HECTD4: variants seen among roughly 807,000 people sequenced by gnomAD.
HECTD4 encodes HECT domain E3 ubiquitin protein ligase 4, also known as probable E3 ubiquitin-protein ligase HECTD4.
HECTD4 carries 114 observed loss-of-function variants against 471.5 expected under a neutral mutation model. The observed-to-expected ratio is 0.24, with a 90% CI of 0.21 to 0.28. The LOEUF (loss-of-function observed/expected upper bound fraction) is 0.28, where lower values mean the gene tolerates loss of function less well. HECTD4 is among the 10% of genes least tolerant of loss of function. The probability of loss-of-function intolerance (pLI) is 1.00; values close to 1 mark genes in which losing one functional copy is unlikely to be tolerated. For missense variants in HECTD4, 3,866 were observed against 5,651.5 expected, an observed-to-expected ratio of 0.68 and a Z score of 10.13; for synonymous variants, 2,012 against 2,256.0, an observed-to-expected ratio of 0.89 and a Z score of 3.07.
intron 1 of HECTD4, among the ~76,000 whole-genome samples, chr12:112,339,205 T>C (rs2036010657): frequency 6.6e-6 from 1 of 151,820 alleles, no homozygotes; most frequent in Non-Finnish European, 1.5e-5. Context: ...GGAGAATGGG[T>C]ACACTGTGTC....
intron 49 of HECTD4, among the ~76,000 whole-genome samples, chr12:112,210,635 T>C (rs1593933644): frequency 6.6e-6 from 1 of 152,384 alleles, no homozygotes; most frequent in East Asian, 1.9e-4. Context: ...ATTCCAGACC[T>C]GGCTCAAGCA....
At chr12:112,198,022 G>C (rs1193963863) in intron 55 of HECTD4, among the ~76,000 whole-genome samples, 1 of 152,142 alleles carries the variant, frequency 6.6e-6, no homozygotes, top group Non-Finnish European at 1.5e-5. Context: ...TTTTAGTAGA[G>C]ATGGGGTTTC....
rs758273849 is a variant in HECTD4, at chr12:112,262,515, C to CAAAAAAAAAAAAAAA, written c.2749-1101_2749-1087dup. ...TGGGCGACAAAGAGAGACTCCATCT[C>CAAAAAAAAAAAAAAA]AAAAAAAAAAAAAAAAAAAAAAAAA... On this transcript the variant is annotated intron_variant, in intron 17 of 75. Transcript: ENST00000682272. 3.5e-4 allele frequency among the ~76,000 whole-genome samples: 7 copies of CAAAAAAAAAAAAAAA among 19,762 alleles called. 2 individuals are homozygous for CAAAAAAAAAAAAAAA. Among genetic ancestry groups the CAAAAAAAAAAAAAAA allele is most frequent in the African/African-American group, 5.7e-4 (4 of 7,032 alleles). The allele number at this position is 19,762 out of a possible 152,430, so 13.0% of individuals were successfully genotyped here.
chr12:112,262,515 CAA>C (rs758273849), intron 17 of HECTD4, among the ~76,000 whole-genome samples: 49 of 19,742 alleles, frequency 2.5e-3, no homozygotes, highest in African/African-American at 6.7e-3. Context: ...GACTCCATCT[CAA>C]AAAAAAAAAA....
intron 72 of HECTD4, among the ~76,000 whole-genome samples, chr12:112,165,668 A>C (rs932774296): frequency 1.3e-5 from 2 of 152,130 alleles, no homozygotes; most frequent in African/African-American, 4.8e-5. Context: ...AACTCATTTT[A>C]AACAATTTTT....
rs149091640 is a variant in HECTD4 at position 112,294,897 on chromosome 12, A to G, written c.1335+11167T>C. On this transcript the variant is annotated intron_variant, in intron 7 of 75. Transcript: ENST00000682272. ...ATGGTGGAAAGTAAGTCTTGCCCCA[A>G]CCAGTTGCCTTCCCCGGGGAAACCA... Among the ~76,000 whole-genome samples, 559 of 152,334 alleles carry G rather than the reference A, an allele frequency of 3.7e-3. 4 individuals carry two copies. The highest frequency in any genetic ancestry group is 0.017 in the Middle Eastern group (5 of 294).
intron 7 of HECTD4, chr12:112,302,366 T>C: frequency 1.3e-6 from 1 of 755,864 alleles, no homozygotes; most frequent in South Asian, 1.4e-5. Flanking sequence ...CTCTGGTCTG[T>C]ATTTGTGGGC....
chr12:112,267,071 T>C, intron 13 of HECTD4, 89 bp from the exon 14 acceptor site: 1 of 778,608 alleles, frequency 1.3e-6, no homozygotes, highest in South Asian at 1.7e-5. Context: ...ATTAAAGATG[T>C]CAATTGGATG....
At chr12:112,244,300 A>G (rs563886793) in intron 29 of HECTD4, among the ~76,000 whole-genome samples, 1 of 152,354 alleles carries the variant, frequency 6.6e-6, no homozygotes, top group East Asian at 1.9e-4. Flanking sequence ...CTTTAATGTA[A>G]GCATTCTAAA....
intron 1 of HECTD4, among the ~76,000 whole-genome samples, chr12:112,323,979 T>TCTCTCTCTC (rs2035658270): frequency 4.8e-5 from 1 of 20,724 alleles, no homozygotes; most frequent in African/African-American, 4.3e-4. Flanking sequence ...CCTTCCTTCC[T>TCTCTCTCTC]TCCTTCCTTC....
Position 112,203,746 on chromosome 12 carries a change from C to A in HECTD4, c.8296G>T (p.Asp2766Tyr). 1 of 1,612,118 alleles carries A rather than the reference C, an allele frequency of 6.2e-7. No individual in the cohort carries two copies. Among genetic ancestry groups the A allele is most frequent in the Non-Finnish European group, 8.5e-7 (1 of 1,179,014 alleles). Residue 2766 changes from aspartate to tyrosine, a missense_variant, in exon 54 of 76, where the codon GAC becomes TAC. Transcript: ENST00000682272. ...KGLTVVTRSP[D>Y]SNNVASSAVG... ...GCACTGCTGGCTACATTATTGCTGT[C>A]TGGAGAGCGGGTTACTACTGTGAGA...
At chr12:112,240,150 G>A in intron 32 of HECTD4, 123 bp from the exon 33 acceptor site, 1 of 1,013,642 alleles carries the variant, frequency 9.9e-7, no homozygotes, top group East Asian at 2.4e-5. Context: ...GGATCTTGGA[G>A]AACATCCAGC....
Position 112,239,032 on chromosome 12 carries a change from A to C in HECTD4, c.5290+20T>G, listed in dbSNP as rs2033580397. On this transcript the variant is annotated intron_variant, in intron 34 of 75. Coordinates refer to ENST00000682272, the MANE Select transcript of HECTD4 (RefSeq NM_001388303.1). This position sits in a 1 kb window ranked among gnomAD's most constrained non-coding sequence, Gnocchi z 4.9. ...AATAGAAGAAATCAGTGAGCTCTAG[A>C]AAGGAGTCTGGCATCTCACCTTCCT... is the stretch of plus-strand genomic sequence containing the variant. 1.3e-6 allele frequency: 2 copies of C among 1,599,346 alleles called. No homozygotes were observed. The highest frequency in any genetic ancestry group is 2.3e-5 in the South Asian group (2 of 88,054).
intron 60 of HECTD4, 37 bp downstream of exon 60, chr12:112,190,749 C>A: frequency 6.6e-7 from 1 of 1,525,684 alleles, no homozygotes; most frequent in East Asian, 2.4e-5. Flanking sequence ...GCTCCACCCC[C>A]ACCCTAGATT....
chr12:112,251,177 T>C, intron 23 of HECTD4, 43 bp from the exon 24 acceptor site: 1 of 1,585,578 alleles, frequency 6.3e-7, no homozygotes, highest in Non-Finnish European at 8.6e-7. Context: ...CAGTGTACAC[T>C]GGCAGAGGCT....
At chr12:112,364,171 A>G (rs1267043401) in intron 1 of HECTD4, among the ~76,000 whole-genome samples, 1 of 151,846 alleles carries the variant, frequency 6.6e-6, no homozygotes, top group African/African-American at 2.4e-5. Context: ...TTGGGAGGCT[A>G]AGACAGGTGA....
At chr12:112,326,078 C>T (rs1005187264) in intron 1 of HECTD4, among the ~76,000 whole-genome samples, 2 of 152,150 alleles carry the variant, frequency 1.3e-5, no homozygotes, top group African/African-American at 2.4e-5. Context: ...CATGAGCCAC[C>T]GCACCTGGCC....
intron 52 of HECTD4, among the ~76,000 whole-genome samples, chr12:112,207,289 G>A (rs764207717): frequency 3.2e-4 from 48 of 152,114 alleles, no homozygotes; most frequent in Non-Finnish European, 5.3e-4. Context: ...GACTACAGGC[G>A]TGTGCCACCA....
chr12:112,216,591 T>G (rs2032924264), intron 47 of HECTD4, among the ~76,000 whole-genome samples, 182 bp downstream of exon 47: 2 of 152,176 alleles, frequency 1.3e-5, no homozygotes, highest in South Asian at 4.1e-4. Context: ...TTTAAAAAAT[T>G]ACAGGTCAAC....
Sources: allele counts gnomAD v4.1 joint callset (sites outside exome capture counted in the v4.1 genomes callset), GRCh38; gene constraint gnomAD v4.1.1; non-coding constraint Gnocchi (gnomAD v3.1); transcripts MANE v1.5; gene names NCBI Gene and HGNC (gene_info 2026-07-23, HGNC 2026-07-21).